Variants in UBE2E2 observed in about 807,000 individuals in gnomAD.
UBE2E2 encodes the protein ubiquitin conjugating enzyme E2 E2.
In UBE2E2, 6 loss-of-function variants were observed where a neutral mutation model predicts 24.7. The ratio of observed to expected loss-of-function variants is 0.24; its 90% CI spans 0.13 to 0.48. UBE2E2 has a LOEUF of 0.48. Ranked by LOEUF, UBE2E2 falls within the 20% of genes least tolerant of loss-of-function variation. The pLI, the probability that UBE2E2 is intolerant of heterozygous loss-of-function variation, is 0.99. For synonymous variants in UBE2E2, 104 were observed against 83.6 expected (o/e 1.24, Z -1.33); for missense variants, 169 against 245.0 (o/e 0.69, Z 2.07).
chr3:23,326,811 TGTCCCTCCCC>T (rs2125296006), intron 3 of UBE2E2, among the ~76,000 whole-genome samples: 1 of 152,334 alleles, frequency 6.6e-6, no homozygotes, highest in East Asian at 1.9e-4. Flanking sequence ...CTCCTAATGC[TGTCCCTCCCC>T]ACTCCCCCCA....
intron 3 of UBE2E2, among the ~76,000 whole-genome samples, chr3:23,342,986 T>A (rs930693300): frequency 6.6e-6 from 1 of 152,108 alleles, no homozygotes; most frequent in Non-Finnish European, 1.5e-5. Context: ...GCTGGAGGAA[T>A]GGTGCTTATT....
intron 3 of UBE2E2, among the ~76,000 whole-genome samples, chr3:23,346,172 C>T (rs1025115747): frequency 6.6e-6 from 1 of 152,170 alleles, no homozygotes; most frequent in Non-Finnish European, 1.5e-5. Context: ...GAAAGACAAA[C>T]TCAGAGCCTG....
intron 3 of UBE2E2, among the ~76,000 whole-genome samples, chr3:23,487,793 T>G (rs1177968521): frequency 6.6e-6 from 1 of 152,192 alleles, no homozygotes; most frequent in East Asian, 1.9e-4. Context: ...AGATTCATGT[T>G]TTACAAAAGA....
intron 3 of UBE2E2, among the ~76,000 whole-genome samples, chr3:23,285,478 T>C (rs1224879198): frequency 6.6e-6 from 1 of 152,234 alleles, no homozygotes; most frequent in Admixed American, 6.5e-5. Flanking sequence ...TTGTACTAAT[T>C]TATGTTCCCA....
chr3:23,550,223 G>A (rs1236716175), intron 5 of UBE2E2, among the ~76,000 whole-genome samples: 1 of 151,980 alleles, frequency 6.6e-6, no homozygotes. Context: ...TTATAATCTA[G>A]ATAACTATTG....
intron 3 of UBE2E2, among the ~76,000 whole-genome samples, chr3:23,482,128 G>A (rs1227620730): frequency 6.6e-6 from 1 of 152,208 alleles, no homozygotes; most frequent in Non-Finnish European, 1.5e-5. Context: ...GTGACATAAT[G>A]TGAAAGTGCT....
At position 23,225,384 on chromosome 3, in the gene UBE2E2, C is replaced by T. The variant is rs547492044; in HGVS notation, c.227+8072C>T. 4.6e-4 allele frequency among the ~76,000 whole-genome samples: 70 copies of T among 152,162 alleles called. No homozygotes were observed. In the South Asian group the frequency reaches 0.012, roughly 26 times the overall value. On this transcript the variant is annotated intron_variant, in intron 3 of 5. Coordinates refer to ENST00000396703, the MANE Select transcript of UBE2E2 (RefSeq NM_152653.4). Reference sequence around the variant, plus strand: ...GAAACCATTGCCTAATCCAAGACCACGAAGATTTACATCTGTATTTTTTCC... The same window carrying T: ...GAAACCATTGCCTAATCCAAGACCATGAAGATTTACATCTGTATTTTTTCC...
chr3:23,332,907 T>G (rs1455791772), intron 3 of UBE2E2, among the ~76,000 whole-genome samples: 1 of 152,212 alleles, frequency 6.6e-6, no homozygotes, highest in African/African-American at 2.4e-5. Flanking sequence ...TTCTAAAAAG[T>G]GATGACAGGT....
intron 3 of UBE2E2, among the ~76,000 whole-genome samples, chr3:23,422,300 A>G (rs930149807): frequency 3.3e-5 from 5 of 152,158 alleles, no homozygotes; most frequent in Admixed American, 3.3e-4. Flanking sequence ...TAACATGGGC[A>G]GGTTAAGTTC....
intron 3 of UBE2E2, among the ~76,000 whole-genome samples, chr3:23,328,409 T>C (rs903813062): frequency 1.3e-5 from 2 of 152,240 alleles, no homozygotes. Flanking sequence ...CAGGAAATGT[T>C]CAACATTTTA....
intron 2 of UBE2E2, among the ~76,000 whole-genome samples, chr3:23,213,203 A>G (rs921863692): frequency 6.6e-6 from 1 of 152,052 alleles, no homozygotes; most frequent in Admixed American, 6.6e-5. Flanking sequence ...CTCTCAGTAA[A>G]TTTTTGAATT....
Position 23,248,525 on chromosome 3 carries a change from C to T in UBE2E2, c.227+31213C>T, listed in dbSNP as rs376855646. Among the ~76,000 whole-genome samples the T allele has an allele frequency of 5.9e-5, 9 of 152,170 alleles. No individual in the cohort carries two copies. The East Asian group carries it at 1.5e-3, about 26-fold the overall frequency. ...CATTAAATTTGTATGGCATTAGAAC[C>T]GCCTTTAGAATTTTTAGTGGAAGCG... On this transcript the variant is annotated intron_variant, in intron 3 of 5. Coordinates refer to ENST00000396703, the MANE Select transcript of UBE2E2 (RefSeq NM_152653.4).
intron 3 of UBE2E2, among the ~76,000 whole-genome samples, chr3:23,246,689 T>G (rs1697416946): frequency 6.6e-6 from 1 of 151,288 alleles, no homozygotes; most frequent in Non-Finnish European, 1.5e-5. Context: ...TAAAGATATT[T>G]TGAGCTTTGA....
intron 3 of UBE2E2, among the ~76,000 whole-genome samples, chr3:23,232,372 C>A (rs957014081): frequency 2.0e-5 from 3 of 152,150 alleles, no homozygotes; most frequent in African/African-American, 7.2e-5. Flanking sequence ...TTTTACCTGA[C>A]GTAGTCAAGA....
chr3:23,294,172 C>T (rs1295830940), intron 3 of UBE2E2, among the ~76,000 whole-genome samples: 1 of 152,164 alleles, frequency 6.6e-6, no homozygotes, highest in African/African-American at 2.4e-5. Context: ...GCATTTTCAG[C>T]TAGATAATTC....
At chr3:23,255,548 G>T (rs915120968) in intron 3 of UBE2E2, among the ~76,000 whole-genome samples, 1 of 152,078 alleles carries the variant, frequency 6.6e-6, no homozygotes, top group East Asian at 1.9e-4. Context: ...CAGCTCAAAG[G>T]GGATTGAGAA....
intron 3 of UBE2E2, among the ~76,000 whole-genome samples, chr3:23,392,128 T>C (rs1696952075): frequency 6.6e-6 from 1 of 152,138 alleles, no homozygotes; most frequent in South Asian, 2.1e-4. Flanking sequence ...GTGTATAGTC[T>C]TGAAAAAGTG....
chr3:23,424,633 C>G (rs1482028761), intron 3 of UBE2E2, among the ~76,000 whole-genome samples: 2 of 151,974 alleles, frequency 1.3e-5, no homozygotes, highest in Non-Finnish European at 2.9e-5. Context: ...AATGAAAAAG[C>G]AAATTGAGCT....
intron 3 of UBE2E2, among the ~76,000 whole-genome samples, chr3:23,317,124 G>C (rs1694603606): frequency 6.6e-6 from 1 of 152,146 alleles, no homozygotes; most frequent in Non-Finnish European, 1.5e-5. Flanking sequence ...TGTGTCACTA[G>C]GTCATGTGTC....
Sources: gnomAD v4.1 joint callset for allele counts (sites outside exome capture counted in the v4.1 genomes callset) on GRCh38, gnomAD v4.1.1 for gene constraint, MANE v1.5 for transcripts, NCBI Gene and HGNC (gene_info 2026-07-23, HGNC 2026-07-21) for gene names.